Variants in MMRN2 observed in about 807,000 individuals in gnomAD.
MMRN2 encodes the protein multimerin-2.
Under a neutral mutation model 68.8 loss-of-function variants are expected in MMRN2, and 53 were observed. That is an observed-to-expected ratio of 0.77 (90% confidence interval 0.62 to 0.97). The LOEUF (loss-of-function observed/expected upper bound fraction) is 0.97, where lower values mean the gene tolerates loss of function less well. Ranked by LOEUF, MMRN2 falls within the 50% of genes least tolerant of loss-of-function variation. MMRN2 has a pLI of 0.00. For missense variants in MMRN2, 1,266 were observed against 1,259.5 expected, an observed-to-expected ratio of 1.01 and a Z score of -0.08; for synonymous variants, 564 against 551.6, an observed-to-expected ratio of 1.02 and a Z score of -0.32.
chr10:86,954,449 G>T (rs965508295), intron 1 of MMRN2, among the ~76,000 whole-genome samples: 2 of 152,244 alleles, frequency 1.3e-5, no homozygotes, highest in Non-Finnish European at 2.9e-5. Flanking sequence ...GCGGCACACA[G>T]ATCAGAGCTG....
rs527472573 is a variant in MMRN2, at chr10:86,940,074, G to A, written c.2467+2243C>T. On this transcript the variant is annotated intron_variant, in intron 6 of 6. Transcript: ENST00000372027. ...CTTGCCCAGGCTGGAGTGCAGTGGCGCAATCTCGGCTCACTGCAGCCTCTG... is the reference window on the plus strand; with the variant it reads ...CTTGCCCAGGCTGGAGTGCAGTGGCACAATCTCGGCTCACTGCAGCCTCTG... 2.7e-5 allele frequency among the ~76,000 whole-genome samples: 4 copies of A among 149,132 alleles called. No homozygotes were observed. The South Asian group carries it at 8.5e-4, about 32-fold the overall frequency.
chr10:86,957,125 G>A lies in MMRN2; in HGVS notation c.164+253C>T, dbSNP rs570665916. Among the ~76,000 whole-genome samples the A allele has an allele frequency of 2.6e-5, 4 of 152,354 alleles. No homozygotes were observed. In the South Asian group the frequency reaches 8.3e-4, roughly 32 times the overall value. On this transcript the variant is annotated intron_variant, in intron 1 of 6. Transcript: ENST00000372027. ...CCATGCTGGGTGATTGATGGTAGGAGCTGTGCCTCCCTGCCAGCCCCCCAA... is the reference window on the plus strand; with the variant it reads ...CCATGCTGGGTGATTGATGGTAGGAACTGTGCCTCCCTGCCAGCCCCCCAA...
intron 6 of MMRN2, among the ~76,000 whole-genome samples, chr10:86,937,887 GAGAA>G (rs1843903309): frequency 6.6e-6 from 1 of 152,170 alleles, no homozygotes; most frequent in African/African-American, 2.4e-5. Flanking sequence ...CAGAACCTTG[GAGAA>G]AGAAGGAAAG....
At chr10:86,945,137 T>C (rs1167116187) in intron 4 of MMRN2, 51 bp downstream of exon 4, 3 of 1,535,978 alleles carry the variant, frequency 2.0e-6, no homozygotes, top group Non-Finnish European at 2.7e-6. Context: ...GCCAGCTGGC[T>C]ACATGGGCCC....
rs763679892 is a variant in MMRN2, at chr10:86,945,174, G to A, written c.481+14C>T. The A allele has an allele frequency of 1.1e-5, 18 of 1,612,722 alleles. No individual in the cohort carries two copies. The highest frequency in any genetic ancestry group is 1.7e-4 in the Middle Eastern group (1 of 5,992). ...ACCAGCCTGCCTGCCTTCCCCTTCCGGAAAGCAACACACCAGGTTTGAAGC... is the reference window on the plus strand; with the variant it reads ...ACCAGCCTGCCTGCCTTCCCCTTCCAGAAAGCAACACACCAGGTTTGAAGC... On this transcript the variant is annotated intron_variant, in intron 4 of 6. Transcript: ENST00000372027.
rs34692290 is a variant in MMRN2 at position 86,939,461 on chromosome 10, C to CAA, written c.2468-2338_2468-2337dup. Among the ~76,000 whole-genome samples, 419 of 74,578 alleles carry CAA rather than the reference C, an allele frequency of 5.6e-3. 15 individuals are homozygous for CAA. Among genetic ancestry groups the CAA allele is most frequent in the Non-Finnish European group, 6.6e-3 (275 of 41,886 alleles). The allele number at this position is 74,578 out of a possible 152,430, so 48.9% of individuals were successfully genotyped here. ...TGAGCGAAAGGGCGAGACTCCGTCTCAAAAAAAAAAAAAAAAAAAAAAAAA... is the reference window on the plus strand; with the variant it reads ...TGAGCGAAAGGGCGAGACTCCGTCTCAAAAAAAAAAAAAAAAAAAAAAAAAAA... On this transcript the variant is annotated intron_variant, in intron 6 of 6. Transcript: ENST00000372027.
chr10:86,939,413 G>A (rs1253160928), intron 6 of MMRN2, among the ~76,000 whole-genome samples: 3 of 137,144 alleles, frequency 2.2e-5, no homozygotes, highest in Non-Finnish European at 4.6e-5. Context: ...AGTGAGCCGA[G>A]ATCGTGCCAT....
chr10:86,953,721 A>G (rs1238181097), intron 1 of MMRN2, among the ~76,000 whole-genome samples: 3 of 152,238 alleles, frequency 2.0e-5, no homozygotes. Flanking sequence ...TCAGTATGCC[A>G]GGGCTGAGAA....
chr10:86,944,037 G>A lies in MMRN2; in HGVS notation c.747C>T (p.Asn249=). 1.2e-6 allele frequency: 2 copies of A among 1,614,144 alleles called. No homozygotes were observed. The highest frequency in any genetic ancestry group is 1.3e-5 in the African/African-American group (1 of 75,062). ...CCTGGGTAAGGCTGTGCAGGCTTTG[G>A]TTAAAGCTCCTCCAGATGGGGCTGA... ...VHFSPIWRSF[N]QSLHSLTQAI... Residue 249 remains asparagine (N), a synonymous_variant, in exon 6 of 7, where the codon AAC becomes AAT. Coordinates refer to ENST00000372027, the MANE Select transcript of MMRN2 (RefSeq NM_024756.3).
intron 6 of MMRN2, among the ~76,000 whole-genome samples, chr10:86,938,481 G>A (rs1843911322): frequency 6.6e-6 from 1 of 152,238 alleles, no homozygotes; most frequent in South Asian, 2.1e-4. Flanking sequence ...CAAACAGCCA[G>A]GAAGAAGCCA....
rs1383439074 is a variant in MMRN2, at chr10:86,936,807, C to T, written c.2786G>A (p.Gly929Glu). Residue 929 changes from glycine to glutamate, a missense_variant, in exon 7 of 7, where the codon GGA becomes GAA. Gly to Glu is a moderately conservative substitution (Grantham distance 98). Coordinates refer to ENST00000372027, the MANE Select transcript of MMRN2 (RefSeq NM_024756.3). ...CGACAGGCTTCTCTTTGTTATTGAT[C>T]CCTGGGTTAACTCAAACCATACTCG... ...GERVWFELTQ[G>E]SITKRSLSGT... 6.2e-7 allele frequency: 1 copy of T among 1,614,182 alleles called. No individual in the cohort carries two copies. The highest frequency in any genetic ancestry group is 2.2e-5 in the East Asian group (1 of 44,884).
chr10:86,943,299 C>A lies in MMRN2; in HGVS notation c.1485G>T (p.Gln495His). ...LIKYVKDCNC[Q>H]KLYLDLDVIR... ...TGACGTCCAGGTCTAAATAGAGCTT[C>A]TGGCAATTGCAGTCCTTCACGTACT... Residue 495 changes from glutamine to histidine, a missense_variant, in exon 6 of 7, where the codon CAG (glutamine) becomes CAT (histidine). Coordinates refer to ENST00000372027, the MANE Select transcript of MMRN2 (RefSeq NM_024756.3). This position sits in a 1 kb window ranked among gnomAD's most constrained non-coding sequence, Gnocchi z 4.2. 6.2e-7 allele frequency: 1 copy of A among 1,613,854 alleles called. No individual in the cohort carries two copies. The highest frequency in any genetic ancestry group is 8.5e-7 in the Non-Finnish European group (1 of 1,180,028).
Position 86,935,915 on chromosome 10 carries a change from GCAGA to G in MMRN2, c.*824_*827del, listed in dbSNP as rs1843871051. On this transcript the variant is annotated 3_prime_UTR_variant, in exon 7 of 7. Coordinates refer to ENST00000372027, the MANE Select transcript of MMRN2 (RefSeq NM_024756.3). ...AGGCCTCAGGAAACTTACAATCATGGCAGACAGTGAAGAGGAACCAAGGCATCTT... is the reference window on the plus strand; with the variant it reads ...AGGCCTCAGGAAACTTACAATCATGGCAGTGAAGAGGAACCAAGGCATCTT... 1 of 152,416 alleles carries G rather than the reference GCAGA, an allele frequency of 6.6e-6. No homozygotes were observed. Among genetic ancestry groups the G allele is most frequent in the Admixed American group, 6.5e-5 (1 of 15,288 alleles). The allele number at this position is 152,416 out of a possible 1,614,324, so 9.4% of individuals were successfully genotyped here.
At position 86,943,042 on chromosome 10, in the gene MMRN2, G is replaced by A; in HGVS notation, c.1742C>T (p.Ala581Val). ...LDDEVGALKA[A>V]AAEARHEVRQ... Reference sequence around the variant, plus strand: ...CACCTCGTGGCGGGCCTCGGCCGCGGCCGCCTTCAGCGCGCCCACCTCGTC... The same window carrying A: ...CACCTCGTGGCGGGCCTCGGCCGCGACCGCCTTCAGCGCGCCCACCTCGTC... The change falls in exon 6 of 7, where the codon GCC becomes GTC. Residue 581 changes from alanine (A) to valine (V), a missense_variant. Ala to Val is a moderately conservative substitution (Grantham distance 64, BLOSUM62 0). Transcript: ENST00000372027. This position sits in a 1 kb window ranked among gnomAD's most constrained non-coding sequence, Gnocchi z 4.2. 7.4e-7 allele frequency: 1 copy of A among 1,357,596 alleles called. No individual in the cohort carries two copies. The highest frequency in any genetic ancestry group is 9.4e-7 in the Non-Finnish European group (1 of 1,058,998). The allele number at this position is 1,357,596 out of a possible 1,614,324, so 84.1% of individuals were successfully genotyped here. A position where few individuals can be genotyped will look rare whatever the true frequency, so the allele number is the denominator to read the frequency against.
rs758325850 is a variant in MMRN2 at position 86,945,209 on chromosome 10, C to A, written c.460G>T (p.Gly154Ter). The change falls in exon 4 of 7, where the codon GGA becomes TGA. Residue 154 changes from glycine to a stop codon, truncating the protein, a stop_gained. Transcript: ENST00000372027. LOFTEE classifies it high-confidence loss of function. Reference sequence around the variant, plus strand: ...ACACCAGGTTTGAAGCTGACTGGTCCATCCTGAGGTTCCTGGTGGCTGTCA... The same window carrying A: ...ACACCAGGTTTGAAGCTGACTGGTCAATCCTGAGGTTCCTGGTGGCTGTCA... ...PGDSHQEPQD[G>*]PVSFKPGHLA... 3 of 1,613,912 alleles carry A rather than the reference C, an allele frequency of 1.9e-6. No homozygotes were observed. Among genetic ancestry groups the A allele is most frequent in the Non-Finnish European group, 2.5e-6 (3 of 1,180,028 alleles).
chr10:86,957,366 AG>A lies in MMRN2; in HGVS notation c.164+11del. 1 of 1,612,504 alleles carries A rather than the reference AG, an allele frequency of 6.2e-7. No homozygotes were observed. ...TACTCCATGACCTCTGCCAAGGTCCAGGCCCTCTTACCGTCCTACGGGGTCC... is the reference window on the plus strand; with the variant it reads ...TACTCCATGACCTCTGCCAAGGTCCAGCCCTCTTACCGTCCTACGGGGTCC... On this transcript the variant is annotated intron_variant, in intron 1 of 6. Transcript: ENST00000372027.
intron 6 of MMRN2, 122 bp downstream of exon 6, chr10:86,942,195 A>C (rs1843980988): frequency 1.7e-6 from 2 of 1,161,606 alleles, no homozygotes; most frequent in Non-Finnish European, 2.4e-6. Context: ...AGGTGGACCT[A>C]GTAGGGGTGA....
intron 1 of MMRN2, among the ~76,000 whole-genome samples, chr10:86,955,850 G>A (rs1844216393): frequency 6.6e-6 from 1 of 152,114 alleles, no homozygotes; most frequent in Non-Finnish European, 1.5e-5. Flanking sequence ...GGGCATTCCT[G>A]GGCCAGGTAC....
At chr10:86,950,917 C>A (rs1340624303) in intron 1 of MMRN2, among the ~76,000 whole-genome samples, 1 of 152,116 alleles carries the variant, frequency 6.6e-6, no homozygotes, top group Non-Finnish European at 1.5e-5. Flanking sequence ...CGTGCACATG[C>A]ATTTGCTTTG....
Sources: allele counts gnomAD v4.1 joint callset (sites outside exome capture counted in the v4.1 genomes callset), GRCh38; gene constraint gnomAD v4.1.1; non-coding constraint Gnocchi (gnomAD v3.1); transcripts MANE v1.5; gene names NCBI Gene and HGNC (gene_info 2026-07-23, HGNC 2026-07-21).